PCCA: variants seen among roughly 807,000 people sequenced by gnomAD.
PCCA encodes propionyl-CoA carboxylase subunit alpha, also known as propionyl-CoA carboxylase alpha chain, mitochondrial.
A neutral mutation model predicts 101.3 loss-of-function variants in PCCA; 74 were observed. The observed-to-expected ratio is 0.73, with a 90% CI of 0.61 to 0.89. The LOEUF (loss-of-function observed/expected upper bound fraction) is 0.89. Among genes scored for constraint, PCCA ranks in the 40% least tolerant of loss-of-function variants. PCCA has a pLI of 0.00. For missense variants in PCCA, 891 were observed against 907.0 expected (o/e 0.98, Z 0.23); for synonymous variants, 294 against 313.6 (o/e 0.94, Z 0.66).
chr13:100,129,525 A>G (rs982438176), intron 4 of PCCA, among the ~76,000 whole-genome samples: 1 of 151,564 alleles, frequency 6.6e-6, no homozygotes, highest in Admixed American at 6.6e-5. Flanking sequence ...CACCCCGGCC[A>G]TTGCTGCCTC....
intron 18 of PCCA, among the ~76,000 whole-genome samples, chr13:100,355,867 A>G (rs2073906373): frequency 6.6e-6 from 1 of 152,162 alleles, no homozygotes; most frequent in African/African-American, 2.4e-5. Context: ...CGATTTCAAA[A>G]CACTACAAAG....
At chr13:100,515,592 C>A (rs1219647510) in intron 22 of PCCA, 25 bp downstream of exon 22, 2 of 1,611,458 alleles carry the variant, frequency 1.2e-6, no homozygotes, top group African/African-American at 2.7e-5. Flanking sequence ...TGTCTCTCTG[C>A]AGGACATGCT....
intron 19 of PCCA, among the ~76,000 whole-genome samples, chr13:100,375,263 T>A (rs1162313891): frequency 6.6e-6 from 1 of 152,216 alleles, no homozygotes; most frequent in Non-Finnish European, 1.5e-5. Context: ...CTTTTGCATT[T>A]GCTGAGGAGT....
chr13:100,508,976 C>T (rs965053718), intron 21 of PCCA, among the ~76,000 whole-genome samples: 4 of 151,996 alleles, frequency 2.6e-5, no homozygotes, highest in East Asian at 1.9e-4. Flanking sequence ...AGCAGTCAGA[C>T]GTATAATAAG....
At chr13:100,189,234 G>T (rs2057560906) in intron 6 of PCCA, among the ~76,000 whole-genome samples, 2 of 152,156 alleles carry the variant, frequency 1.3e-5, no homozygotes, top group Admixed American at 1.3e-4. Context: ...TCTTATGGTT[G>T]CATAGTATTC....
chr13:100,160,058 A>G (rs2054288945), intron 6 of PCCA, among the ~76,000 whole-genome samples: 1 of 152,086 alleles, frequency 6.6e-6, no homozygotes, highest in Non-Finnish European at 1.5e-5. Flanking sequence ...TTTTTGCATA[A>G]CTGCTGTGTA....
intron 21 of PCCA, among the ~76,000 whole-genome samples, chr13:100,465,073 A>G (rs1346366634): frequency 6.6e-6 from 1 of 152,206 alleles, no homozygotes; most frequent in East Asian, 1.9e-4. Flanking sequence ...CTCTTATAGA[A>G]GAAAAATCTG....
At chr13:100,300,816 A>C (rs945560686) in intron 12 of PCCA, among the ~76,000 whole-genome samples, 17 of 152,270 alleles carry the variant, frequency 1.1e-4, no homozygotes, top group African/African-American at 3.9e-4. Context: ...GCATGACAGC[A>C]TCAGCCCAAG....
At chr13:100,402,542 C>T (rs2077429186) in intron 19 of PCCA, among the ~76,000 whole-genome samples, 1 of 152,054 alleles carries the variant, frequency 6.6e-6, no homozygotes. Flanking sequence ...TCATGAGGGC[C>T]ATGAAGGAAT....
intron 16 of PCCA, among the ~76,000 whole-genome samples, chr13:100,326,402 A>G (rs185522651): frequency 2.6e-5 from 4 of 152,362 alleles, no homozygotes; most frequent in African/African-American, 4.8e-5. Flanking sequence ...ACATCAGACA[A>G]TGCGGCAGAA....
intron 4 of PCCA, among the ~76,000 whole-genome samples, chr13:100,128,571 G>A (rs1475434157): frequency 6.6e-6 from 1 of 152,152 alleles, no homozygotes; most frequent in East Asian, 1.9e-4. Flanking sequence ...AATGATGGAT[G>A]AGAAGGAGTC....
At chr13:100,281,622 A>G (rs1200448772) in intron 12 of PCCA, among the ~76,000 whole-genome samples, 3 of 152,220 alleles carry the variant, frequency 2.0e-5, no homozygotes, top group Admixed American at 6.5e-5. Context: ...AGAGTCTACA[A>G]TGGAAAAGTT....
In PCCA at chr13:100,316,205, C is replaced by T. The variant is rs117361109; in HGVS notation, c.1429+6297C>T. On this transcript the variant is annotated intron_variant, in intron 16 of 23. Transcript: ENST00000376285. ...GGCCTTAGGAAAGAAAAAGAGATAACGATTTAGTTTTGCATAGTCATATAT... is the reference window on the plus strand; with the variant it reads ...GGCCTTAGGAAAGAAAAAGAGATAATGATTTAGTTTTGCATAGTCATATAT... 1.5e-3 allele frequency among the ~76,000 whole-genome samples: 228 copies of T among 152,116 alleles called. 2 individuals are homozygous for T. The East Asian group carries it at 0.033, about 22-fold the overall frequency.
intron 21 of PCCA, among the ~76,000 whole-genome samples, chr13:100,451,737 TCTTC>T (rs2081261388): frequency 8.8e-6 from 1 of 113,118 alleles, no homozygotes; most frequent in Non-Finnish European, 1.8e-5. Flanking sequence ...TCTCTCTCTC[TCTTC>T]TCTCCTTCCT....
chr13:100,100,098 C>T (rs963924479), intron 1 of PCCA, among the ~76,000 whole-genome samples: 2 of 152,102 alleles, frequency 1.3e-5, no homozygotes, highest in African/African-American at 4.8e-5. Flanking sequence ...CTCATTTGAT[C>T]CTTTTAATAA....
At chr13:100,288,552 A>G (rs2064872549) in intron 12 of PCCA, among the ~76,000 whole-genome samples, 1 of 152,212 alleles carries the variant, frequency 6.6e-6, no homozygotes, top group Non-Finnish European at 1.5e-5. Flanking sequence ...AAGTGCTGGG[A>G]TTATAGCCCC....
At chr13:100,439,719 C>T (rs887424340) in intron 20 of PCCA, among the ~76,000 whole-genome samples, 2 of 151,798 alleles carry the variant, frequency 1.3e-5, no homozygotes, top group Admixed American at 6.6e-5. Flanking sequence ...CAAGCAGAGC[C>T]GACTAACTGC....
intron 21 of PCCA, among the ~76,000 whole-genome samples, chr13:100,510,613 A>G (rs2086408741): frequency 6.6e-6 from 1 of 152,236 alleles, no homozygotes; most frequent in South Asian, 2.1e-4. Context: ...TTACAGGGCA[A>G]TACTACAAAA....
chr13:100,360,167 AC>A (rs879886303), intron 18 of PCCA, among the ~76,000 whole-genome samples: 54 of 141,972 alleles, frequency 3.8e-4, no homozygotes, highest in Admixed American at 3.6e-4. Context: ...GTGCAGGGAA[AC>A]CCCCCCCTTT....
Sources: allele counts gnomAD v4.1 joint callset (sites outside exome capture counted in the v4.1 genomes callset), GRCh38; gene constraint gnomAD v4.1.1; transcripts MANE v1.5; gene names NCBI Gene and HGNC (gene_info 2026-07-23, HGNC 2026-07-21).